PHOSPHO1: variants seen among roughly 807,000 people sequenced by gnomAD.
PHOSPHO1 encodes phosphoethanolamine/phosphocholine phosphatase.
In PHOSPHO1, 6 loss-of-function variants were observed where a neutral mutation model predicts 17.7. The ratio of observed to expected loss-of-function variants is 0.34; its 90% CI spans 0.19 to 0.67. PHOSPHO1 has a LOEUF of 0.67. Among genes scored for constraint, PHOSPHO1 ranks in the 30% least tolerant of loss-of-function variants. PHOSPHO1 has a pLI of 0.69. For synonymous variants in PHOSPHO1, 159 were observed against 174.6 expected (o/e 0.91, Z 0.71); for missense variants, 330 against 392.1 (o/e 0.84, Z 1.34).
In PHOSPHO1 at chr17:49,226,652, A is replaced by T. The variant is rs2143565795; in HGVS notation, c.40T>A (p.Ser14Thr). The change falls in exon 2 of 3, where the codon TCT (serine) becomes ACT (threonine). Residue 14 changes from serine to threonine, a missense_variant. Coordinates refer to ENST00000310544, the MANE Select transcript of PHOSPHO1 (RefSeq NM_178500.4). ...CFPVSGLRCL[S>T]RDGRMAAQGA... The stretch of plus-strand genomic sequence containing the variant: ...CCCTGGAGGGACCCACTTACCCTAG[A>T]TAGGCAGCGGAGGCCAGAAACTGGA... 6.2e-7 allele frequency: 1 copy of T among 1,614,198 alleles called. No homozygotes were observed. Among genetic ancestry groups the T allele is most frequent in the Non-Finnish European group, 8.5e-7 (1 of 1,180,026 alleles).
intron 2 of PHOSPHO1, chr17:49,225,906 T>G: frequency 8.9e-7 from 1 of 1,127,874 alleles, no homozygotes; most frequent in Non-Finnish European, 1.1e-6. Flanking sequence ...TTCTAGGGGA[T>G]CTTGGAGACA....
rs1416531779 is a variant in PHOSPHO1, at chr17:49,224,037, G to C, written c.*209C>G. On this transcript the variant is annotated 3_prime_UTR_variant, in exon 3 of 3. Transcript: ENST00000310544. ...CCAGAACTCAACCGTGCACAGTGGAGTGGGGGAGGCAGCCGAGGTGGGTTA... is the reference window on the plus strand; with the variant it reads ...CCAGAACTCAACCGTGCACAGTGGACTGGGGGAGGCAGCCGAGGTGGGTTA... The C allele has an allele frequency of 1.4e-6, 1 of 702,834 alleles. No homozygotes were observed. Among genetic ancestry groups the C allele is most frequent in the African/African-American group, 1.8e-5 (1 of 55,276 alleles). The allele number at this position is 702,834 out of a possible 1,614,324, so 43.5% of individuals were successfully genotyped here. A position where few individuals can be genotyped will look rare whatever the true frequency, so the allele number is the denominator to read the frequency against.
chr17:49,225,399 C>T (rs1262038478), intron 2 of PHOSPHO1: 2 of 985,416 alleles, frequency 2.0e-6, no homozygotes, highest in South Asian at 9.4e-5. Flanking sequence ...CCAGTGGCCC[C>T]TGTTGTTGGT....
At position 49,230,133 on chromosome 17, in the gene PHOSPHO1, G is replaced by GA. The variant is rs536902799; in HGVS notation, c.-68+334dup. 6.4e-4 allele frequency among the ~76,000 whole-genome samples: 98 copies of GA among 152,260 alleles called. 2 individuals are homozygous for GA. The East Asian group carries it at 0.018, about 27-fold the overall frequency. ...GTGGCAGCTGCCGGTAGGGTTGGGG[G>GA]AGAGATATTTTTAGAGGTGACTAGG... On this transcript the variant is annotated intron_variant, in intron 1 of 2. Coordinates refer to ENST00000310544, the MANE Select transcript of PHOSPHO1 (RefSeq NM_178500.4).
At chr17:49,225,377 T>C (rs2143561549) in intron 2 of PHOSPHO1, 1 of 985,336 alleles carries the variant, frequency 1.0e-6, no homozygotes, top group East Asian at 1.1e-4. Flanking sequence ...GACTGGACTG[T>C]TTTGGAGACT....
In PHOSPHO1 at chr17:49,224,065, T is replaced by C. The variant is rs1303299933; in HGVS notation, c.*181A>G. Reference sequence around the variant, plus strand: ...GGGGAGGCAGCCGAGGTGGGTTAACTGAATAGATAGGGACGGCTCTGAGCC... The same window carrying C: ...GGGGAGGCAGCCGAGGTGGGTTAACCGAATAGATAGGGACGGCTCTGAGCC... On this transcript the variant is annotated 3_prime_UTR_variant, in exon 3 of 3. Transcript: ENST00000310544. 6 of 934,270 alleles carry C rather than the reference T, an allele frequency of 6.4e-6. No homozygotes were observed. The highest frequency in any genetic ancestry group is 9.2e-6 in the Non-Finnish European group (6 of 652,446). 57.9% of individuals were successfully genotyped at this position (934,270 alleles called of 1,614,324 possible).
Position 49,229,745 on chromosome 17 carries a change from C to T in PHOSPHO1, c.-68+723G>A, listed in dbSNP as rs2043394388. Reference sequence around the variant, plus strand: ...AGATCCAACAACTAAGCTAGAATTCCCTCCCTTTCCCAGACAGTGCTCCCA... The same window carrying T: ...AGATCCAACAACTAAGCTAGAATTCTCTCCCTTTCCCAGACAGTGCTCCCA... On this transcript the variant is annotated intron_variant, in intron 1 of 2. Transcript: ENST00000310544. 2.6e-5 allele frequency among the ~76,000 whole-genome samples: 4 copies of T among 152,136 alleles called. No homozygotes were observed. The South Asian group carries it at 6.2e-4, about 24-fold the overall frequency.
At chr17:49,228,297 C>CTCCT (rs140670610) in intron 1 of PHOSPHO1, among the ~76,000 whole-genome samples, 20 of 60,560 alleles carry the variant, frequency 3.3e-4, no homozygotes, top group African/African-American at 9.5e-4. Flanking sequence ...TCCTTCCTTC[C>CTCCT]TCCTTCCTTC....
chr17:49,225,479 C>T (rs925745160), intron 2 of PHOSPHO1: 3 of 985,254 alleles, frequency 3.0e-6, no homozygotes, highest in Non-Finnish European at 3.6e-6. Context: ...GGGAAACCAA[C>T]CACCCATCCA....
At chr17:49,225,133 T>C in intron 2 of PHOSPHO1, 129 bp from the exon 3 acceptor site, 1 of 1,438,252 alleles carries the variant, frequency 7.0e-7, no homozygotes, top group Non-Finnish European at 9.1e-7. Flanking sequence ...ATCCAACACC[T>C]GAGGAGGACC....
chr17:49,225,122 C>T (rs1487806403), intron 2 of PHOSPHO1, 118 bp from the exon 3 acceptor site: 2 of 1,440,178 alleles, frequency 1.4e-6, no homozygotes, highest in East Asian at 2.5e-5. Flanking sequence ...GGCGCTGGCA[C>T]ATCCAACACC....
At chr17:49,228,416 G>C (rs2043381274) in intron 1 of PHOSPHO1, among the ~76,000 whole-genome samples, 1 of 152,046 alleles carries the variant, frequency 6.6e-6, no homozygotes, top group Admixed American at 6.6e-5. Context: ...CCAACACTTT[G>C]GGAGGCGAGG....
At chr17:49,225,592 T>C in intron 2 of PHOSPHO1, 1 of 1,289,810 alleles carries the variant, frequency 7.8e-7, no homozygotes, top group South Asian at 1.3e-5. Context: ...GGTCTAGGGA[T>C]GGGGCACAGC....
At chr17:49,228,333 A>C (rs1262445401) in intron 1 of PHOSPHO1, among the ~76,000 whole-genome samples, 1 of 123,810 alleles carries the variant, frequency 8.1e-6, no homozygotes, top group African/African-American at 3.2e-5. Flanking sequence ...CCTTTTTTCT[A>C]TTCTATTGAT....
rs1483751971 is a variant in PHOSPHO1, at chr17:49,223,524, C to G, written c.*722G>C. On this transcript the variant is annotated 3_prime_UTR_variant, in exon 3 of 3. Coordinates refer to ENST00000310544, the MANE Select transcript of PHOSPHO1 (RefSeq NM_178500.4). ...GGGTGACTTTGGTGAAGTCCCTGGTCTCTTGCTGCATAGACGAGGCTGGGA... is the reference window on the plus strand; with the variant it reads ...GGGTGACTTTGGTGAAGTCCCTGGTGTCTTGCTGCATAGACGAGGCTGGGA... The G allele has an allele frequency of 6.5e-6, 1 of 152,812 alleles. No individual in the cohort carries two copies. Among genetic ancestry groups the G allele is most frequent in the African/African-American group, 2.4e-5 (1 of 41,412 alleles). The allele number at this position is 152,812 out of a possible 1,614,324, so 9.5% of individuals were successfully genotyped here.
At chr17:49,227,606 C>G (rs1314394386) in intron 1 of PHOSPHO1, among the ~76,000 whole-genome samples, 1 of 152,160 alleles carries the variant, frequency 6.6e-6, no homozygotes, top group African/African-American at 2.4e-5. Context: ...GGCTGCTGCC[C>G]TCTGGTGGTG....
At chr17:49,225,568 T>G in intron 2 of PHOSPHO1, 1 of 1,251,568 alleles carries the variant, frequency 8.0e-7, no homozygotes, top group South Asian at 1.3e-5. Flanking sequence ...TCTAGCCCAA[T>G]GGCACTGAAC....
intron 2 of PHOSPHO1, 101 bp downstream of exon 2, chr17:49,226,546 A>C: frequency 7.7e-7 from 1 of 1,295,150 alleles, no homozygotes; most frequent in Non-Finnish European, 1.1e-6. Flanking sequence ...GGTAAACCTA[A>C]AACGGGCTGG....
Position 49,224,327 on chromosome 17 carries a change from G to A in PHOSPHO1, c.723C>T (p.Ser241=), listed in dbSNP as rs774529283. The A allele has an allele frequency of 1.0e-4, 160 of 1,587,892 alleles. No individual in the cohort carries two copies. Among genetic ancestry groups the A allele is most frequent in the Non-Finnish European group, 1.3e-4 (157 of 1,170,808 alleles). The change falls in exon 3 of 3, where the codon AGC becomes AGT. Residue 241 remains serine (S), a synonymous_variant. Coordinates refer to ENST00000310544, the MANE Select transcript of PHOSPHO1 (RefSeq NM_178500.4). ...LIQEAQKAEP[S]SFRASVVPWE... Reference sequence around the variant, plus strand: ...AGGGCACCACGCTGGCGCGGAACGAGCTGGGCTCGGCCTTCTGGGCCTCCT... The same window carrying A: ...AGGGCACCACGCTGGCGCGGAACGAACTGGGCTCGGCCTTCTGGGCCTCCT...
Sources: gnomAD v4.1 joint callset for allele counts (sites outside exome capture counted in the v4.1 genomes callset) on GRCh38, gnomAD v4.1.1 for gene constraint, MANE v1.5 for transcripts, NCBI Gene and HGNC (gene_info 2026-07-23, HGNC 2026-07-21) for gene names.